The following PRKG1 variants were observed in gnomAD, a reference collection of about 807,000 sequenced individuals.
The protein encoded by PRKG1 is protein kinase cGMP-dependent 1, also known as cGMP-dependent protein kinase 1.
Under a neutral mutation model 88.1 loss-of-function variants are expected in PRKG1, and 35 were observed. That is an observed-to-expected ratio of 0.40 (90% CI 0.30 to 0.53). The LOEUF is 0.53. Among genes scored for constraint, PRKG1 ranks in the 20% least tolerant of loss-of-function variants. PRKG1 has a pLI of 0.59. For synonymous variants in PRKG1, 303 were observed against 292.5 expected, an observed-to-expected ratio of 1.04 and a Z score of -0.37; for missense variants, 540 against 839.8, an observed-to-expected ratio of 0.64 and a Z score of 4.41.
chr10:52,025,453 G>T (rs1459783026), intron 5 of PRKG1, among the ~76,000 whole-genome samples: 1 of 152,074 alleles, frequency 6.6e-6, no homozygotes, highest in Non-Finnish European at 1.5e-5. Flanking sequence ...GGTTTTTATG[G>T]CTTTAGGTCT....
In PRKG1 at chr10:51,972,395, G is replaced by A. The variant is rs10047324; in HGVS notation, c.762+64825G>A. 8.4e-3 allele frequency among the ~76,000 whole-genome samples: 1,275 copies of A among 152,180 alleles called. 13 individuals are homozygous for A. The highest frequency in any genetic ancestry group is 0.028 in the African/African-American group (1,148 of 41,526). The stretch of plus-strand genomic sequence containing the variant: ...TTGAGCTGAGTGGTTATTGCACTGC[G>A]GTCATACCTCTGGTCATATACTGAA... On this transcript the variant is annotated intron_variant, in intron 5 of 17. Transcript: ENST00000373980.
chr10:51,812,749 C>T (rs182844507), intron 4 of PRKG1, among the ~76,000 whole-genome samples: 13 of 152,120 alleles, frequency 8.5e-5, no homozygotes, highest in Non-Finnish European at 1.2e-4. Context: ...TAAGAGAAGA[C>T]GACACTTCAA....
At chr10:51,504,665 TCTC>T (rs1841141332) in intron 3 of PRKG1, among the ~76,000 whole-genome samples, 1 of 152,126 alleles carries the variant, frequency 6.6e-6, no homozygotes, top group Admixed American at 6.6e-5. Context: ...GGTTTGTAGT[TCTC>T]CTTGAAGAGG....
intron 2 of PRKG1, among the ~76,000 whole-genome samples, chr10:51,297,637 A>G (rs913472752): frequency 6.6e-6 from 1 of 152,126 alleles, no homozygotes; most frequent in Non-Finnish European, 1.5e-5. Context: ...ATTTCTATGT[A>G]TGAGCAACAG....
intron 2 of PRKG1, among the ~76,000 whole-genome samples, chr10:51,409,383 C>T (rs1335854422): frequency 6.6e-6 from 1 of 152,118 alleles, no homozygotes; most frequent in African/African-American, 2.4e-5. Flanking sequence ...CTGCTCGAGC[C>T]TGATCACATG....
intron 2 of PRKG1, among the ~76,000 whole-genome samples, chr10:51,244,707 A>C (rs907983415): frequency 2.6e-5 from 4 of 152,110 alleles, no homozygotes; most frequent in African/African-American, 7.2e-5. Flanking sequence ...AAACCTTCTT[A>C]ACATAAAAAA....
intron 3 of PRKG1, among the ~76,000 whole-genome samples, chr10:51,801,271 A>G (rs1401074518): frequency 6.6e-6 from 1 of 152,144 alleles, no homozygotes; most frequent in Non-Finnish European, 1.5e-5. Context: ...GCCGTGTTCC[A>G]GTAAGACTTT....
At chr10:52,001,928 A>T (rs2454540) in intron 5 of PRKG1, among the ~76,000 whole-genome samples, 105,757 of 151,826 alleles carry the variant, frequency 0.7, 37,967 homozygotes, top group East Asian at 0.9. Context: ...ACACATGTGA[A>T]GTTGGGGCTG....
chr10:51,699,149 C>G, intron 3 of PRKG1: 7 of 1,614,204 alleles, frequency 4.3e-6, no homozygotes, highest in Non-Finnish European at 5.9e-6. Flanking sequence ...CGGGGGGAGA[C>G]TGGCTACTGC....
At chr10:51,849,742 A>T (rs1039968479) in intron 4 of PRKG1, among the ~76,000 whole-genome samples, 1 of 152,152 alleles carries the variant, frequency 6.6e-6, no homozygotes, top group Admixed American at 6.5e-5. Flanking sequence ...TTATATTTAA[A>T]TGAAATAATA....
chr10:51,776,583 G>C lies in PRKG1; in HGVS notation c.593-28002G>C, dbSNP rs894814930. Among the ~76,000 whole-genome samples the C allele has an allele frequency of 2.0e-5, 3 of 152,148 alleles. No homozygotes were observed. In the East Asian group the frequency reaches 5.8e-4, roughly 29 times the overall value. ...TTCATGCCTGTAAACCCAGTACTTT[G>C]CAAAGCCAAGGTGGGCAGATCACTT... On this transcript the variant is annotated intron_variant, in intron 3 of 17. Coordinates refer to ENST00000373980, the MANE Select transcript of PRKG1 (RefSeq NM_006258.4).
intron 3 of PRKG1, among the ~76,000 whole-genome samples, chr10:51,739,642 C>T (rs1837381152): frequency 6.6e-6 from 1 of 151,674 alleles, no homozygotes; most frequent in East Asian, 1.9e-4. Context: ...AGGATGGTCA[C>T]AGAAGATAAT....
In PRKG1 at chr10:52,072,843, T is replaced by C. The variant is rs181647059; in HGVS notation, c.935+10212T>C. Among the ~76,000 whole-genome samples, 12 of 152,348 alleles carry C rather than the reference T, an allele frequency of 7.9e-5. No homozygotes were observed. In the East Asian group the frequency reaches 2.1e-3, roughly 27 times the overall value. ...CAGCCACCTAATTGGTCTCCCTGTG[T>C]CCAGTCTTCCGCACTTTTTATCCAT... On this transcript the variant is annotated intron_variant, in intron 7 of 17. Transcript: ENST00000373980.
In PRKG1 at chr10:51,671,572, T is replaced by TTC. The variant is rs775680768; in HGVS notation, c.593-132995_593-132994dup. Among the ~76,000 whole-genome samples the TTC allele has an allele frequency of 3.1e-3, 475 of 151,076 alleles. 2 individuals are homozygous for TTC. Among genetic ancestry groups the TTC allele is most frequent in the African/African-American group, 0.011 (431 of 40,984 alleles). On this transcript the variant is annotated intron_variant, in intron 3 of 17. Coordinates refer to ENST00000373980, the MANE Select transcript of PRKG1 (RefSeq NM_006258.4). ...TATATTTCTGTCTCAGTGCCTCTTC[T>TTC]TCTCTCTCTCTCTCTCTCTTTTTTT...
chr10:51,240,125 A>G (rs1330495468), intron 2 of PRKG1, among the ~76,000 whole-genome samples: 1 of 152,194 alleles, frequency 6.6e-6, no homozygotes, highest in Non-Finnish European at 1.5e-5. Context: ...CAGCCACATC[A>G]TAAGTAACTA....
chr10:51,580,019 G>T (rs911581722), intron 3 of PRKG1, among the ~76,000 whole-genome samples: 1 of 151,924 alleles, frequency 6.6e-6, no homozygotes, highest in Non-Finnish European at 1.5e-5. Flanking sequence ...AAGTAATAAC[G>T]CTTCTCCAGT....
At chr10:51,873,775 C>T (rs1485042801) in intron 4 of PRKG1, among the ~76,000 whole-genome samples, 4 of 152,122 alleles carry the variant, frequency 2.6e-5, no homozygotes, top group East Asian at 3.9e-4. Flanking sequence ...GTGATCCACT[C>T]GCCTCGGCCT....
chr10:51,349,710 T>C (rs1412515202), intron 2 of PRKG1, among the ~76,000 whole-genome samples: 1 of 152,104 alleles, frequency 6.6e-6, no homozygotes, highest in Non-Finnish European at 1.5e-5. Context: ...TTTCACCATG[T>C]TGGCCAGGCT....
intron 3 of PRKG1, among the ~76,000 whole-genome samples, chr10:51,780,087 A>G (rs1235104821): frequency 2.0e-5 from 3 of 152,262 alleles, no homozygotes; most frequent in Admixed American, 2.0e-4. Context: ...TTTTAGTTAC[A>G]AAGGAGTAGA....
Sources: allele counts gnomAD v4.1 joint callset (sites outside exome capture counted in the v4.1 genomes callset), GRCh38; gene constraint gnomAD v4.1.1; transcripts MANE v1.5; gene names NCBI Gene and HGNC (gene_info 2026-07-23, HGNC 2026-07-21).